HM13: variants seen among roughly 807,000 people sequenced by gnomAD.
HM13 encodes the protein signal peptide peptidase.
A neutral mutation model predicts 50.0 loss-of-function variants in HM13; 18 were observed. The ratio of observed to expected loss-of-function variants is 0.36; its 90% CI spans 0.25 to 0.53. The LOEUF is 0.53. HM13 is among the 20% of genes least tolerant of loss of function. The pLI is 0.90. For missense variants in HM13, 393 were observed against 552.4 expected, an observed-to-expected ratio of 0.71 and a Z score of 2.89; for synonymous variants, 197 against 232.6, an observed-to-expected ratio of 0.85 and a Z score of 1.39.
chr20:31,568,472 T>A (rs1343066718), intron 12 of HM13, among the ~76,000 whole-genome samples: 1 of 152,224 alleles, frequency 6.6e-6, no homozygotes, highest in Non-Finnish European at 1.5e-5. Context: ...AAATGGCCCT[T>A]GTCATGCAGT....
At chr20:31,550,020 A>C in intron 6 of HM13, 44 bp from the exon 7 acceptor site, 8 of 1,423,692 alleles carry the variant, frequency 5.6e-6, no homozygotes, top group Non-Finnish European at 7.9e-6. Flanking sequence ...TTCCCCCCAC[A>C]GCCCCTCACT....
At chr20:31,532,896 G>C (rs1427688510) in intron 2 of HM13, among the ~76,000 whole-genome samples, 1 of 152,222 alleles carries the variant, frequency 6.6e-6, no homozygotes, top group Non-Finnish European at 1.5e-5. Context: ...GCAGCAATGG[G>C]TGTGAGCATT....
intron 4 of HM13, among the ~76,000 whole-genome samples, chr20:31,546,242 G>A (rs1983710707): frequency 6.6e-6 from 1 of 151,462 alleles, no homozygotes; most frequent in Admixed American, 6.6e-5. Context: ...AGTAGAGACG[G>A]GGTTTCACCG....
At chr20:31,550,149 C>G (rs1458658287) in intron 7 of HM13, 28 bp downstream of exon 7, 1 of 1,593,416 alleles carries the variant, frequency 6.3e-7, no homozygotes, top group Non-Finnish European at 8.6e-7. Flanking sequence ...CACAGGGAAC[C>G]CCTTCCCCCA....
intron 7 of HM13, among the ~76,000 whole-genome samples, chr20:31,552,315 TG>T (rs1024633654): frequency 4.6e-5 from 7 of 152,016 alleles, no homozygotes; most frequent in African/African-American, 1.2e-4. Flanking sequence ...GGAAGGTGCA[TG>T]GAGGGGCCTG....
At chr20:31,544,377 G>A (rs1395505025) in intron 3 of HM13, among the ~76,000 whole-genome samples, 1 of 152,262 alleles carries the variant, frequency 6.6e-6, no homozygotes. Flanking sequence ...AACAACTGAG[G>A]CCTTGTGGAA....
intron 1 of HM13, among the ~76,000 whole-genome samples, chr20:31,523,505 C>T (rs922030255): frequency 3.3e-5 from 5 of 152,114 alleles, no homozygotes; most frequent in Non-Finnish European, 5.9e-5. Flanking sequence ...TCAGGTGATC[C>T]GCCCGCCTCC....
Position 31,554,778 on chromosome 20 carries a change from C to G in HM13, c.757C>G (p.Leu253Val), listed in dbSNP as rs2122639556. ...TCCCCAGGATCTGCTGGAGAAAGGC[C>G]TCGAAGCAAACAACTTTGCCATGCT... ...VFPQDLLEKG[L>V]EANNFAMLGL... Residue 253 changes from leucine to valine, a missense_variant, in exon 8 of 13, where the codon CTC (leucine) becomes GTC (valine). Physicochemically the swap from Leu to Val is conservative, Grantham distance 32 (BLOSUM62 1). This residue lies in a region of HM13 where 74 missense variants were observed against 160.4 expected (regional missense o/e 0.46). Transcript: ENST00000398174. The G allele has an allele frequency of 1.2e-6, 2 of 1,614,176 alleles. No homozygotes were observed. The highest frequency in any genetic ancestry group is 1.7e-6 in the Non-Finnish European group (2 of 1,180,018).
At chr20:31,536,350 C>T (rs1353257663) in intron 2 of HM13, among the ~76,000 whole-genome samples, 2 of 152,022 alleles carry the variant, frequency 1.3e-5, no homozygotes, top group African/African-American at 4.8e-5. Flanking sequence ...GCAACAAGAG[C>T]GAAACTCCAT....
At chr20:31,522,345 C>T (rs1189521664) in intron 1 of HM13, among the ~76,000 whole-genome samples, 1 of 152,026 alleles carries the variant, frequency 6.6e-6, no homozygotes, top group Non-Finnish European at 1.5e-5. Flanking sequence ...GGCAGATCAT[C>T]TGAGGTCAGG....
intron 4 of HM13, among the ~76,000 whole-genome samples, chr20:31,546,963 A>T (rs1328827807): frequency 6.6e-6 from 1 of 152,114 alleles, no homozygotes; most frequent in Non-Finnish European, 1.5e-5. Context: ...CTAGGCTTAT[A>T]CCACAGTCTT....
At chr20:31,563,185 C>T (rs1315177981) in intron 10 of HM13, 4 of 152,360 alleles carry the variant, frequency 2.6e-5, no homozygotes, top group African/African-American at 9.6e-5. Flanking sequence ...GAACCCTGCC[C>T]CAAGGCCTGT....
chr20:31,534,184 A>T (rs1982981029), intron 2 of HM13, among the ~76,000 whole-genome samples: 1 of 152,038 alleles, frequency 6.6e-6, no homozygotes, highest in Admixed American at 6.6e-5. Flanking sequence ...AGCCCACTTT[A>T]TGAAGTCTTT....
chr20:31,516,020 C>T (rs1250227592), intron 1 of HM13, among the ~76,000 whole-genome samples: 1 of 152,238 alleles, frequency 6.6e-6, no homozygotes, highest in Non-Finnish European at 1.5e-5. Context: ...AGAGAACTCA[C>T]TACTGGCTCT....
At chr20:31,559,746 A>T in intron 9 of HM13, 99 bp downstream of exon 9, 1 of 1,093,592 alleles carries the variant, frequency 9.1e-7, no homozygotes, top group East Asian at 2.4e-5. Flanking sequence ...CAGACCCTCC[A>T]CCCCCACAGC....
chr20:31,553,146 A>T (rs1984117384), intron 7 of HM13, among the ~76,000 whole-genome samples: 1 of 151,534 alleles, frequency 6.6e-6, no homozygotes. Context: ...AAATACAAAA[A>T]TTAGCCAGGC....
chr20:31,545,256 T>C (rs1459487010), intron 4 of HM13, among the ~76,000 whole-genome samples: 2 of 152,204 alleles, frequency 1.3e-5, no homozygotes, highest in Admixed American at 1.3e-4. Flanking sequence ...TTTTGTTTTT[T>C]TTCCCATCTG....
intron 7 of HM13, among the ~76,000 whole-genome samples, chr20:31,550,958 A>G (rs780898731): frequency 1.3e-5 from 2 of 152,188 alleles, no homozygotes; most frequent in Non-Finnish European, 2.9e-5. Context: ...AGCCTGGATG[A>G]CAGAATGAGG....
Position 31,569,188 on chromosome 20 carries a change from C to T in HM13, c.1250C>T (p.Ala417Val). ...TESKEGTEAS[A>V]SKGLEKKEK is the part of the protein sequence containing the mutation. ...TCCAAAGAGGGAACAGAGGCATCAG[C>T]ATCGAAGGGGCTGGAGAAGAAAGAG... The change falls in exon 13 of 13, where the codon GCA (alanine) becomes GTA (valine). Residue 417 changes from alanine to valine, a missense_variant. By Grantham distance (64) the Ala-to-Val change is moderately conservative. Coordinates refer to ENST00000398174, the MANE Select transcript of HM13 (RefSeq NM_178581.3). 1.2e-6 allele frequency: 2 copies of T among 1,601,616 alleles called. No individual in the cohort carries two copies. The highest frequency in any genetic ancestry group is 2.7e-5 in the African/African-American group (2 of 74,550).
Sources: gnomAD v4.1 joint callset for allele counts (sites outside exome capture counted in the v4.1 genomes callset) on GRCh38, gnomAD v4.1.1 for gene constraint, gnomAD v4.1.1 regional missense constraint, MANE v1.5 for transcripts, NCBI Gene and HGNC (gene_info 2026-07-23, HGNC 2026-07-21) for gene names.